The following MBD2 variants were observed in gnomAD, a reference collection of about 807,000 sequenced individuals.
MBD2 encodes methyl-CpG-binding domain protein 2.
MBD2 carries 9 observed loss-of-function variants against 39.3 expected under a neutral mutation model. The observed-to-expected ratio is 0.23, with a 90% CI of 0.14 to 0.40. The LOEUF is 0.40. Ranked by LOEUF, MBD2 falls within the 10% of genes least tolerant of loss-of-function variation. The pLI is 1.00. For synonymous variants in MBD2, 233 were observed against 211.1 expected, an observed-to-expected ratio of 1.10 and a Z score of -0.90; for missense variants, 458 against 532.6, an observed-to-expected ratio of 0.86 and a Z score of 1.38.
At chr18:54,206,632 C>A (rs1332456280) in intron 1 of MBD2, among the ~76,000 whole-genome samples, 1 of 152,228 alleles carries the variant, frequency 6.6e-6, no homozygotes, top group African/African-American at 2.4e-5. Flanking sequence ...GGTATTCTGT[C>A]CCACCACACT....
At chr18:54,223,257 T>C (rs909550981) in intron 1 of MBD2, among the ~76,000 whole-genome samples, 6 of 152,186 alleles carry the variant, frequency 3.9e-5, no homozygotes, top group African/African-American at 1.4e-4. Flanking sequence ...CTTGAATCAT[T>C]TAAAACAGGA....
chr18:54,188,790 A>T (rs2086300286), intron 3 of MBD2, 84 bp downstream of exon 3: 5 of 1,419,430 alleles, frequency 3.5e-6, no homozygotes, highest in South Asian at 2.9e-5. Flanking sequence ...ACTCCATTTT[A>T]ACCAGAATTT....
At chr18:54,169,797 G>C (rs1287519940) in intron 3 of MBD2, among the ~76,000 whole-genome samples, 15 of 152,140 alleles carry the variant, frequency 9.9e-5, no homozygotes, top group Admixed American at 9.8e-4. Flanking sequence ...TAGGTATAAG[G>C]AACAGTGATT....
chr18:54,222,905 A>T (rs1332050584), intron 1 of MBD2, among the ~76,000 whole-genome samples: 2 of 152,360 alleles, frequency 1.3e-5, no homozygotes, highest in Admixed American at 6.5e-5. Context: ...TTAGTTCATA[A>T]GCATGGTATG....
At chr18:54,160,566 T>C (rs2086089078) in intron 5 of MBD2, among the ~76,000 whole-genome samples, 1 of 148,470 alleles carries the variant, frequency 6.7e-6, no homozygotes, top group African/African-American at 2.5e-5. Context: ...AAAGTGAGGG[T>C]TAATAACTCC....
intron 3 of MBD2, among the ~76,000 whole-genome samples, chr18:54,174,569 C>T (rs2086198411): frequency 6.6e-6 from 1 of 152,144 alleles, no homozygotes; most frequent in Admixed American, 6.5e-5. Context: ...TAAGATAAAG[C>T]ACAACTGGGA....
chr18:54,169,076 T>C (rs1380691422), intron 3 of MBD2, among the ~76,000 whole-genome samples: 2 of 152,144 alleles, frequency 1.3e-5, no homozygotes, highest in Non-Finnish European at 2.9e-5. Flanking sequence ...GGAAAACCTA[T>C]AGGGAAGGTT....
rs370132709 is a variant in MBD2 at position 54,158,545 on chromosome 18, C to T, written c.*12+1220G>A. Among the ~76,000 whole-genome samples, 81 of 152,318 alleles carry T rather than the reference C, an allele frequency of 5.3e-4. 1 individual carries two copies. In the South Asian group the frequency reaches 0.013, roughly 25 times the overall value. ...CAGAAAGCCTTAAGATCTGCACGTG[C>T]TCCTCTGAAGACAAGGTATGCCCAT... On this transcript the variant is annotated intron_variant, in intron 6 of 6. Transcript: ENST00000256429.
chr18:54,209,298 A>G (rs933966494), intron 1 of MBD2, among the ~76,000 whole-genome samples: 1 of 58,662 alleles, frequency 1.7e-5, no homozygotes, highest in Admixed American at 2.2e-4. Flanking sequence ...CTCCATCTCC[A>G]AAAAAAAAAA....
chr18:54,188,115 C>T (rs895605112), intron 3 of MBD2, among the ~76,000 whole-genome samples: 3 of 151,964 alleles, frequency 2.0e-5, no homozygotes, highest in Admixed American at 6.6e-5. Context: ...GAAAAAAAAA[C>T]GCACAGATGT....
chr18:54,155,973 A>G (rs2143906155), intron 6 of MBD2, among the ~76,000 whole-genome samples: 1 of 152,302 alleles, frequency 6.6e-6, no homozygotes, highest in East Asian at 1.9e-4. Context: ...TTAACTAACC[A>G]AATAAATAAA....
At chr18:54,200,462 C>G (rs950622754) in intron 2 of MBD2, among the ~76,000 whole-genome samples, 5 of 152,054 alleles carry the variant, frequency 3.3e-5, no homozygotes, top group Admixed American at 6.6e-5. Context: ...GCATGAAGTC[C>G]CCTAAAACAT....
intron 6 of MBD2, among the ~76,000 whole-genome samples, chr18:54,156,048 G>A (rs1203526171): frequency 2.6e-5 from 4 of 152,094 alleles, no homozygotes; most frequent in Non-Finnish European, 4.4e-5. Flanking sequence ...GAGGCTGGCC[G>A]ACCTGAAGGG....
chr18:54,218,851 A>G (rs762499525), intron 1 of MBD2, among the ~76,000 whole-genome samples: 1 of 151,834 alleles, frequency 6.6e-6, no homozygotes, highest in African/African-American at 2.4e-5. Flanking sequence ...AATCCCAGCT[A>G]CTCAGGAGTC....
intron 1 of MBD2, among the ~76,000 whole-genome samples, chr18:54,222,590 C>T (rs1268813969): frequency 6.6e-6 from 1 of 152,204 alleles, no homozygotes; most frequent in Non-Finnish European, 1.5e-5. Flanking sequence ...GCCCCAGCCC[C>T]GTAACTGGGA....
At position 54,164,691 on chromosome 18, in the gene MBD2, G is replaced by A; in HGVS notation, c.941C>T (p.Pro314Leu). 1.2e-6 allele frequency: 2 copies of A among 1,602,068 alleles called. No homozygotes were observed. Among genetic ancestry groups the A allele is most frequent in the Non-Finnish European group, 1.7e-6 (2 of 1,169,804 alleles). ...ELPKGLQGVG[P>L]GSNDETLLSA... ...TAAAAGGGTCTCATCATTGCTACCT[G>A]GACCAACTCCTGCAATGAGAAACAA... The change falls in exon 5 of 7, where the codon CCA (proline) becomes CTA (leucine). Residue 314 changes from proline (P) to leucine (L), a missense_variant. By Grantham distance (98) the Pro-to-Leu change is moderately conservative. Around this residue, in one of 2 missense-constraint regions of MBD2, gnomAD observed 189 missense variants for 296.6 expected, o/e 0.64. Transcript: ENST00000256429.
intron 1 of MBD2, among the ~76,000 whole-genome samples, chr18:54,213,256 C>G (rs1191195419): frequency 2.6e-5 from 4 of 152,192 alleles, no homozygotes; most frequent in Admixed American, 2.6e-4. Flanking sequence ...AGCCTGAGCT[C>G]TGCCTCGTGT....
intron 3 of MBD2, among the ~76,000 whole-genome samples, chr18:54,186,100 A>G (rs184549653): frequency 2.7e-4 from 41 of 152,212 alleles, no homozygotes; most frequent in Admixed American, 1.8e-3. Context: ...AACATTTCAG[A>G]TCTTCTCACA....
At chr18:54,195,024 A>G (rs1042893971) in intron 2 of MBD2, among the ~76,000 whole-genome samples, 1 of 152,086 alleles carries the variant, frequency 6.6e-6, no homozygotes, top group Non-Finnish European at 1.5e-5. Flanking sequence ...GAGGTTGACT[A>G]TAAAGGAGAA....
Sources: gnomAD v4.1 joint callset for allele counts (sites outside exome capture counted in the v4.1 genomes callset) on GRCh38, gnomAD v4.1.1 for gene constraint, gnomAD v4.1.1 regional missense constraint, MANE v1.5 for transcripts, NCBI Gene and HGNC (gene_info 2026-07-23, HGNC 2026-07-21) for gene names.